GPX3: variants seen among roughly 807,000 people sequenced by gnomAD.
GPX3 encodes glutathione peroxidase 3.
Under a neutral mutation model 25.1 loss-of-function variants are expected in GPX3, and 22 were observed. The observed-to-expected ratio is 0.88, with a 90% confidence interval of 0.63 to 1.25. GPX3 has a LOEUF of 1.25. Ranked by LOEUF, GPX3 falls within the 50% of genes most tolerant of loss-of-function variation. The pLI, the probability that GPX3 is intolerant of heterozygous loss-of-function variation, is 0.00. For missense variants in GPX3, 278 were observed against 286.6 expected, an observed-to-expected ratio of 0.97 and a Z score of 0.22; for synonymous variants, 110 against 114.5, an observed-to-expected ratio of 0.96 and a Z score of 0.25.
At chr5:151,025,033 A>T (rs1179713960) in intron 1 of GPX3, among the ~76,000 whole-genome samples, 4 of 152,210 alleles carry the variant, frequency 2.6e-5, no homozygotes, top group African/African-American at 9.7e-5. Flanking sequence ...AAAATAAGTC[A>T]TTCTCCAGGG....
At position 151,027,447 on chromosome 5, in the gene GPX3, T is replaced by C. The variant is rs1181191134; in HGVS notation, c.375T>C (p.Gly125=). The C allele has an allele frequency of 6.2e-7, 1 of 1,613,152 alleles. No homozygotes were observed. The highest frequency in any genetic ancestry group is 8.5e-7 in the Non-Finnish European group (1 of 1,179,094). The change falls in exon 4 of 5, where the codon GGT becomes GGC. Residue 125 remains glycine (G), a synonymous_variant. Coordinates refer to ENST00000388825, the MANE Select transcript of GPX3 (RefSeq NM_002084.5). ...ILPTLKYVRP[G]GGFVPNFQLF... ...TTCTCAACAGGTATGTCCGACCAGG[T>C]GGAGGCTTTGTCCCTAATTTCCAGC...
rs757867437 is a variant in GPX3 at position 151,025,433 on chromosome 5, G to A, written c.181G>A (p.Gly61Ser). 1.2e-6 allele frequency: 2 copies of A among 1,612,714 alleles called. No homozygotes were observed. The highest frequency in any genetic ancestry group is 3.3e-5 in the Admixed American group (2 of 59,880). ...EEYIPFKQYA[G>S]KYVLFVNVAS... Reference sequence around the variant, plus strand: ...GTACATCCCCTTCAAGCAGTATGCTGGCAAATACGTCCTCTTTGTCAACGT... The same window carrying A: ...GTACATCCCCTTCAAGCAGTATGCTAGCAAATACGTCCTCTTTGTCAACGT... The change falls in exon 2 of 5, where the codon GGC (glycine) becomes AGC (serine). Residue 61 changes from glycine (G) to serine (S), a missense_variant. Physicochemically the swap from Gly to Ser is moderately conservative, Grantham distance 56. Transcript: ENST00000388825.
chr5:151,022,707 G>T (rs1052722304), intron 1 of GPX3, among the ~76,000 whole-genome samples: 2 of 152,182 alleles, frequency 1.3e-5, no homozygotes, highest in Admixed American at 6.5e-5. Flanking sequence ...ACTTCAGGCT[G>T]CCCACGCTCC....
intron 1 of GPX3, among the ~76,000 whole-genome samples, chr5:151,024,383 C>T (rs1254299689): frequency 6.6e-6 from 1 of 152,214 alleles, no homozygotes; most frequent in Admixed American, 6.5e-5. Context: ...ACCCCAATCC[C>T]CTCTCTCCCA....
At chr5:151,025,844 C>T (rs8177438) in intron 2 of GPX3, among the ~76,000 whole-genome samples, 12,608 of 152,298 alleles carry the variant, frequency 0.083, 994 homozygotes, top group East Asian at 0.41. Context: ...TATTTTCCCT[C>T]AGCCCCATCT....
chr5:151,023,042 G>A (rs953492511), intron 1 of GPX3, among the ~76,000 whole-genome samples: 1 of 151,926 alleles, frequency 6.6e-6, no homozygotes, highest in African/African-American at 2.4e-5. Context: ...CACAAGACCA[G>A]CAGCCCCAGC....
intron 3 of GPX3, 98 bp from the exon 4 acceptor site, chr5:151,027,334 C>T: frequency 1.3e-6 from 1 of 788,614 alleles, no homozygotes. Flanking sequence ...AGAATAAATC[C>T]AGACTCCCAA....
rs1031517664 is a variant in GPX3, at chr5:151,028,775, T to C, written c.*645T>C. The stretch of plus-strand genomic sequence containing the variant: ...GTGACAGCAAGGGCCACGGACCCCA[T>C]GGCAGGGGTGGCGTCTTCATGAGGG... On this transcript the variant is annotated 3_prime_UTR_variant, in exon 5 of 5. Transcript: ENST00000388825. The C allele has an allele frequency of 1.3e-5, 2 of 153,240 alleles. No individual in the cohort carries two copies. The highest frequency in any genetic ancestry group is 4.8e-5 in the African/African-American group (2 of 41,406). The allele number at this position is 153,240 out of a possible 1,614,324, so 9.5% of individuals were successfully genotyped here. A position where few individuals can be genotyped will look rare whatever the true frequency, so the allele number is the denominator to read the frequency against.
chr5:151,025,987 T>C (rs1756541564), intron 2 of GPX3, among the ~76,000 whole-genome samples: 1 of 152,168 alleles, frequency 6.6e-6, no homozygotes, highest in Non-Finnish European at 1.5e-5. Flanking sequence ...ACTTTGAAGA[T>C]GATCTAGTTT....
chr5:151,028,071 A>C lies in GPX3; in HGVS notation c.622A>C (p.Lys208Gln). Residue 208 changes from lysine to glutamine, a missense_variant, in exon 5 of 5, where the codon AAG becomes CAG. Lys to Gln is a moderately conservative substitution (Grantham distance 53). Transcript: ENST00000388825. ...WHHRTTVSNV[K>Q]MDILSYMRRQ... ...CCACCGGACCACGGTCAGCAACGTC[A>C]AGATGGACATCCTGTCCTACATGAG... is the stretch of plus-strand genomic sequence containing the variant. 1 of 1,611,938 alleles carries C rather than the reference A, an allele frequency of 6.2e-7. No individual in the cohort carries two copies. Among genetic ancestry groups the C allele is most frequent in the Non-Finnish European group, 8.5e-7 (1 of 1,178,920 alleles).
At chr5:151,022,629 A>G (rs1756493506) in intron 1 of GPX3, among the ~76,000 whole-genome samples, 1 of 152,160 alleles carries the variant, frequency 6.6e-6, no homozygotes, top group African/African-American at 2.4e-5. Flanking sequence ...TCCTCCTACC[A>G]ATTGAAAGGG....
intron 1 of GPX3, among the ~76,000 whole-genome samples, chr5:151,023,172 C>T (rs369174858): frequency 2.0e-5 from 3 of 152,142 alleles, no homozygotes; most frequent in African/African-American, 7.2e-5. Context: ...CTCCTCTGGC[C>T]ACTGTTTCAG....
intron 3 of GPX3, 94 bp from the exon 4 acceptor site, chr5:151,027,338 C>A: frequency 1.2e-6 from 1 of 807,960 alleles, no homozygotes; most frequent in Non-Finnish European, 2.1e-6. Context: ...TAAATCCAGA[C>A]TCCCAACACC....
intron 2 of GPX3, 129 bp downstream of exon 2, chr5:151,025,622 C>G: frequency 6.6e-6 from 5 of 753,580 alleles, no homozygotes; most frequent in Non-Finnish European, 1.0e-5. Context: ...TTCTCAGCTC[C>G]ACTGTGTTCC....
At chr5:151,021,504 C>T (rs8177414) in intron 1 of GPX3, 1,532 of 152,378 alleles carry the variant, frequency 0.01, 33 homozygotes, top group South Asian at 0.095. Flanking sequence ...AAATTTCCTC[C>T]CCTGGGGCAG....
At position 151,028,168 on chromosome 5, in the gene GPX3, A is replaced by G. The variant is rs766065539; in HGVS notation, c.*38A>G. ...TCATCCCATGTCCACCATGTAGGGG[A>G]GGGACTTTGTTCAGGAAGAAATCCG... is the stretch of plus-strand genomic sequence containing the variant. On this transcript the variant is annotated 3_prime_UTR_variant, in exon 5 of 5. Coordinates refer to ENST00000388825, the MANE Select transcript of GPX3 (RefSeq NM_002084.5). 2.0e-6 allele frequency: 3 copies of G among 1,520,628 alleles called. No individual in the cohort carries two copies. In the South Asian group the frequency reaches 3.6e-5, roughly 18 times the overall value. 94.2% of individuals were successfully genotyped at this position (1,520,628 alleles called of 1,614,324 possible). A position where few individuals can be genotyped will look rare whatever the true frequency, so the allele number is the denominator to read the frequency against.
Position 151,020,599 on chromosome 5 carries a change from G to A in GPX3, c.-56G>A. The A allele has an allele frequency of 2.7e-6, 4 of 1,467,300 alleles. No homozygotes were observed. The highest frequency in any genetic ancestry group is 2.4e-5 in the East Asian group (1 of 41,658). 90.9% of individuals were successfully genotyped at this position (1,467,300 alleles called of 1,614,324 possible). ...GGAGCGCCGGACACCTCAGACGGAC[G>A]GTGGCCAGGGATCAGGCAGCGGCTC... On this transcript the variant is annotated 5_prime_UTR_variant, in exon 1 of 5. Coordinates refer to ENST00000388825, the MANE Select transcript of GPX3 (RefSeq NM_002084.5).
intron 4 of GPX3, 169 bp downstream of exon 4, chr5:151,027,700 G>A: frequency 1.5e-6 from 1 of 664,020 alleles, no homozygotes; most frequent in East Asian, 2.7e-5. Flanking sequence ...GGGTCTCATT[G>A]GCCCATTTTA....
chr5:151,027,410 A>G (rs1756566802), intron 3 of GPX3, 22 bp from the exon 4 acceptor site: 1 of 1,547,210 alleles, frequency 6.5e-7, no homozygotes, highest in Admixed American at 1.7e-5. Flanking sequence ...CTTGGGACCC[A>G]CCTAAGAACA....
Sources: gnomAD v4.1 joint callset for allele counts (sites outside exome capture counted in the v4.1 genomes callset) on GRCh38, gnomAD v4.1.1 for gene constraint, MANE v1.5 for transcripts, NCBI Gene and HGNC (gene_info 2026-07-23, HGNC 2026-07-21) for gene names.